IQSEC1: variants seen among roughly 807,000 people sequenced by gnomAD.
IQSEC1 encodes IQ motif and Sec7 domain ArfGEF 1.
Under a neutral mutation model 91.0 loss-of-function variants are expected in IQSEC1, and 31 were observed. That is an observed-to-expected ratio of 0.34 (90% CI 0.26 to 0.46). IQSEC1 has a LOEUF of 0.46. IQSEC1 is among the 20% of genes least tolerant of loss of function. The pLI is 1.00. For synonymous variants in IQSEC1, 699 were observed against 662.6 expected, an observed-to-expected ratio of 1.05 and a Z score of -0.84; for missense variants, 1,388 against 1,575.6, an observed-to-expected ratio of 0.88 and a Z score of 2.02.
At chr3:13,254,867 C>T (rs753634975) in intron 1 of IQSEC1, among the ~76,000 whole-genome samples, 18 of 152,160 alleles carry the variant, frequency 1.2e-4, no homozygotes, top group Admixed American at 3.3e-4. Flanking sequence ...TTTCCCAGGC[C>T]GCAGAGTTAG....
chr3:13,209,117 C>T (rs1482579375), intron 1 of IQSEC1, among the ~76,000 whole-genome samples: 2 of 152,180 alleles, frequency 1.3e-5, no homozygotes, highest in South Asian at 2.1e-4. Context: ...TGAGCCCAGG[C>T]GAGGCAGCCA....
At chr3:13,223,951 G>GGGAATGTTGGT (rs1694706533) in intron 1 of IQSEC1, among the ~76,000 whole-genome samples, 1 of 152,194 alleles carries the variant, frequency 6.6e-6, no homozygotes, top group South Asian at 2.1e-4. Context: ...TCAGCACAAA[G>GGGAATGTTGGT]CAGTGCCTCG....
intron 1 of IQSEC1, among the ~76,000 whole-genome samples, chr3:12,950,525 A>G (rs1699472108): frequency 2.0e-5 from 3 of 152,140 alleles, no homozygotes; most frequent in Non-Finnish European, 4.4e-5. Context: ...TAAAAATATT[A>G]GCTGGGCATG....
At chr3:12,920,353 C>CT in intron 6 of IQSEC1, 77 bp downstream of exon 6, 1 of 1,506,848 alleles carries the variant, frequency 6.6e-7, no homozygotes, top group Admixed American at 1.7e-5. Context: ...CCTCACGCCC[C>CT]TTACATCTGG....
At chr3:13,178,280 C>T (rs1378222402) in intron 1 of IQSEC1, among the ~76,000 whole-genome samples, 2 of 152,222 alleles carry the variant, frequency 1.3e-5, no homozygotes, top group African/African-American at 2.4e-5. Context: ...CCTGCTGTGA[C>T]GGAGCTGATC....
chr3:12,934,719 T>G (rs1440715472), intron 3 of IQSEC1, among the ~76,000 whole-genome samples: 1 of 152,122 alleles, frequency 6.6e-6, no homozygotes, highest in Non-Finnish European at 1.5e-5. Flanking sequence ...TCTTGCTATT[T>G]TTGGCTGTGC....
intron 1 of IQSEC1, among the ~76,000 whole-genome samples, chr3:13,054,518 G>A (rs984972529): frequency 1.3e-5 from 2 of 152,216 alleles, no homozygotes; most frequent in Admixed American, 6.5e-5. Flanking sequence ...AAGTGAACAA[G>A]AGCACGCTGG....
Position 12,983,670 on chromosome 3 carries a change from C to T in IQSEC1, c.24-41805G>A, listed in dbSNP as rs78318358. Among the ~76,000 whole-genome samples the T allele has an allele frequency of 6.6e-6, 1 of 152,172 alleles. No homozygotes were observed. Among genetic ancestry groups the T allele is most frequent in the Non-Finnish European group, 1.5e-5 (1 of 68,038 alleles). The stretch of plus-strand genomic sequence containing the variant: ...TTCAGGGACGCCTGGGCTGACCTCA[C>T]AGGCCACGCTGGGCAATTCCTCCCA... On this transcript the variant is annotated intron_variant, in intron 1 of 13. Transcript: ENST00000613206. This position sits in a 1 kb window ranked among gnomAD's most constrained non-coding sequence, Gnocchi z 4.3.
chr3:13,057,466 A>G (rs1171966004), intron 1 of IQSEC1, among the ~76,000 whole-genome samples: 2 of 152,230 alleles, frequency 1.3e-5, no homozygotes, highest in Admixed American at 1.3e-4. Flanking sequence ...AGACAAGCAC[A>G]CACACAAGAC....
chr3:13,199,481 A>G (rs914194831), intron 1 of IQSEC1, among the ~76,000 whole-genome samples: 1 of 152,084 alleles, frequency 6.6e-6, no homozygotes, highest in African/African-American at 2.4e-5. Flanking sequence ...CTGTGTGGAC[A>G]TTGCCTCAAA....
intron 2 of IQSEC1, among the ~76,000 whole-genome samples, chr3:12,939,382 C>T (rs1023615854): frequency 6.6e-6 from 1 of 152,244 alleles, no homozygotes; most frequent in Non-Finnish European, 1.5e-5. Flanking sequence ...GAAACCCACT[C>T]AAGTTTCCTG....
intron 1 of IQSEC1, among the ~76,000 whole-genome samples, chr3:13,185,047 C>G (rs1333361361): frequency 1.3e-5 from 2 of 152,114 alleles, no homozygotes; most frequent in Non-Finnish European, 1.5e-5. Flanking sequence ...CCACAGATGC[C>G]AGGGGTTTCA....
chr3:13,148,904 G>A (rs1706943515), intron 2 of IQSEC1, among the ~76,000 whole-genome samples: 1 of 152,382 alleles, frequency 6.6e-6, no homozygotes, highest in Middle Eastern at 3.4e-3. Flanking sequence ...AACCTCTCCC[G>A]CATCCTTTCC....
At chr3:13,031,633 G>C (rs1703846349) in intron 1 of IQSEC1, among the ~76,000 whole-genome samples, 1 of 152,056 alleles carries the variant, frequency 6.6e-6, no homozygotes, top group African/African-American at 2.4e-5. Context: ...GGGGGCAGAG[G>C]GGCAGGAGTG....
chr3:12,969,913 G>A (rs570402913), intron 1 of IQSEC1, among the ~76,000 whole-genome samples: 2 of 152,266 alleles, frequency 1.3e-5, no homozygotes, highest in Non-Finnish European at 1.5e-5. Context: ...CTCCTGCTCC[G>A]CTAACTGCCT....
intron 1 of IQSEC1, among the ~76,000 whole-genome samples, chr3:12,997,434 A>C (rs1366637585): frequency 2.0e-5 from 3 of 152,250 alleles, no homozygotes; most frequent in Admixed American, 6.5e-5. Context: ...ATCTGGGCAC[A>C]AGCTGATGGG....
At chr3:13,073,992 T>C (rs965503782), upstream of IQSEC1, among the ~76,000 whole-genome samples, 32 of 152,310 alleles carry the variant, frequency 2.1e-4, no homozygotes, top group African/African-American at 7.7e-4. Flanking sequence ...TAGGGAGAAT[T>C]TCTGGTCTAG....
At chr3:13,039,053 C>T (rs1278124392) in intron 1 of IQSEC1, among the ~76,000 whole-genome samples, 8 of 152,218 alleles carry the variant, frequency 5.3e-5, no homozygotes, top group South Asian at 2.1e-4. Context: ...GGAAGCTGGG[C>T]GATGGGTATA....
Position 12,922,285 on chromosome 3 carries a change from G to A in IQSEC1, c.1731-43C>T. On this transcript the variant is annotated intron_variant, in intron 4 of 13. Coordinates refer to ENST00000613206, the MANE Select transcript of IQSEC1 (RefSeq NM_001134382.3). This position sits in a 1 kb window ranked among gnomAD's most constrained non-coding sequence, Gnocchi z 5.1. ...AGCCCCGCATAAGCACCCCTTGCAG[G>A]TGCGACACGCCCAGCCCACCCCCAG... is the stretch of plus-strand genomic sequence containing the variant. 2 of 1,497,856 alleles carry A rather than the reference G, an allele frequency of 1.3e-6. No homozygotes were observed. Among genetic ancestry groups the A allele is most frequent in the East Asian group, 2.5e-5 (1 of 39,560 alleles). 92.8% of individuals were successfully genotyped at this position (1,497,856 alleles called of 1,614,324 possible). A position where few individuals can be genotyped will look rare whatever the true frequency, so the allele number is the denominator to read the frequency against.
Sources: gnomAD v4.1 joint callset for allele counts (sites outside exome capture counted in the v4.1 genomes callset) on GRCh38, gnomAD v4.1.1 for gene constraint, Gnocchi (gnomAD v3.1) non-coding constraint, MANE v1.5 for transcripts, NCBI Gene and HGNC (gene_info 2026-07-23, HGNC 2026-07-21) for gene names.